BCAS3: variants seen among roughly 807,000 people sequenced by gnomAD.
BCAS3 encodes the protein BCAS4/BCAS3 fusion.
Under a neutral mutation model 116.1 loss-of-function variants are expected in BCAS3, and 53 were observed. That is an observed-to-expected ratio of 0.46 (90% confidence interval 0.37 to 0.57). The LOEUF is 0.57. Among genes scored for constraint, BCAS3 ranks in the 20% least tolerant of loss-of-function variants. The pLI, the probability that BCAS3 is intolerant of heterozygous loss-of-function variation, is 0.00. For missense variants in BCAS3, 917 were observed against 1,165.4 expected (o/e 0.79, Z 3.10); for synonymous variants, 391 against 408.2 (o/e 0.96, Z 0.51).
intron 5 of BCAS3, among the ~76,000 whole-genome samples, chr17:60,737,218 G>A (rs1275965812): frequency 6.6e-6 from 1 of 152,104 alleles, no homozygotes; most frequent in Non-Finnish European, 1.5e-5. Flanking sequence ...GGGATTACAG[G>A]TGTGAGCCAC....
At chr17:60,959,698 GT>G (rs992768010) in intron 14 of BCAS3, among the ~76,000 whole-genome samples, 1 of 152,090 alleles carries the variant, frequency 6.6e-6, no homozygotes, top group Non-Finnish European at 1.5e-5. Context: ...TTACTCAATG[GT>G]TTTTTTCCTG....
At chr17:61,123,898 T>C (rs902470917) in intron 22 of BCAS3, among the ~76,000 whole-genome samples, 1 of 152,204 alleles carries the variant, frequency 6.6e-6, no homozygotes, top group Admixed American at 6.5e-5. Flanking sequence ...GAGAGAAGAA[T>C]GACCACTAAT....
rs2072926444 is a variant in BCAS3, at chr17:61,084,600, C to T, written c.2425+36C>T. The T allele has an allele frequency of 6.6e-7, 1 of 1,509,246 alleles. No homozygotes were observed. The highest frequency in any genetic ancestry group is 1.1e-5 in the South Asian group (1 of 88,632). 93.5% of individuals were successfully genotyped at this position (1,509,246 alleles called of 1,614,324 possible). On this transcript the variant is annotated intron_variant, in intron 22 of 23. Transcript: ENST00000407086. This position sits in a 1 kb window ranked among gnomAD's most constrained non-coding sequence, Gnocchi z 5.5. Reference sequence around the variant, plus strand: ...ACCTCTGAAATATTTATTGGGCAGTCCTGTGCATTTTTAACTAATTTTCTC... The same window carrying T: ...ACCTCTGAAATATTTATTGGGCAGTTCTGTGCATTTTTAACTAATTTTCTC...
intron 7 of BCAS3, among the ~76,000 whole-genome samples, chr17:60,829,991 G>GTATT (rs1223742135): frequency 6.6e-6 from 1 of 151,750 alleles, no homozygotes; most frequent in Non-Finnish European, 1.5e-5. Flanking sequence ...TTAAAAATTT[G>GTATT]TATTTATTTA....
intron 5 of BCAS3, among the ~76,000 whole-genome samples, chr17:60,724,237 A>C (rs1264332139): frequency 6.6e-6 from 1 of 151,356 alleles, no homozygotes; most frequent in East Asian, 2.0e-4. Flanking sequence ...TAGCCTGGCC[A>C]ACATGGTGAA....
intron 23 of BCAS3, among the ~76,000 whole-genome samples, chr17:61,374,126 G>T (rs1479311682): frequency 6.7e-6 from 1 of 148,980 alleles, no homozygotes; most frequent in East Asian, 2.0e-4. Context: ...CCCATTTAAA[G>T]TATTCTTGAT....
At position 60,911,635 on chromosome 17, in the gene BCAS3, G is replaced by A. The variant is rs144998729; in HGVS notation, c.993+933G>A. Among the ~76,000 whole-genome samples, 691 of 151,928 alleles carry A rather than the reference G, an allele frequency of 4.5e-3. 8 individuals carry two copies. Among genetic ancestry groups the A allele is most frequent in the African/African-American group, 0.016 (651 of 41,446 alleles). On this transcript the variant is annotated intron_variant, in intron 12 of 23. Transcript: ENST00000407086. ...TTTTTGGTAGAGACGCGGTTTCGCC[G>A]TGTTGGCCTGGCTGGTCTTGAACCC...
Position 61,272,142 on chromosome 17 carries a change from G to T in BCAS3, c.2426-96185G>T, listed in dbSNP as rs1427858423. Among the ~76,000 whole-genome samples the T allele has an allele frequency of 2.0e-5, 3 of 152,152 alleles. No individual in the cohort carries two copies. In the East Asian group the frequency reaches 5.8e-4, roughly 29 times the overall value. ...ATTGAAGAGACTGTCATCAAATTAC[G>T]TTTTAAAGAAAAGACTGAAATATAT... On this transcript the variant is annotated intron_variant, in intron 22 of 23. Transcript: ENST00000407086.
chr17:61,268,922 T>C (rs1351806873), intron 22 of BCAS3, among the ~76,000 whole-genome samples: 1 of 152,122 alleles, frequency 6.6e-6, no homozygotes, highest in Non-Finnish European at 1.5e-5. Context: ...TCATCCATGT[T>C]GTAGCATATG....
At chr17:60,766,435 C>T (rs947110795) in intron 6 of BCAS3, among the ~76,000 whole-genome samples, 1 of 152,184 alleles carries the variant, frequency 6.6e-6, no homozygotes, top group African/African-American at 2.4e-5. Context: ...AGTTTTCCTT[C>T]TAACAGTCAG....
chr17:61,277,174 G>A (rs1466953358), intron 22 of BCAS3, among the ~76,000 whole-genome samples: 1 of 151,350 alleles, frequency 6.6e-6, no homozygotes, highest in Non-Finnish European at 1.5e-5. Context: ...TGAGGCAGGA[G>A]GATCGCTTTT....
At chr17:60,887,181 A>G (rs2056748369) in intron 9 of BCAS3, 1 of 152,030 alleles carries the variant, frequency 6.6e-6, no homozygotes, top group Non-Finnish European at 1.5e-5. Context: ...GAAAAGCGCA[A>G]TATTCGGGTG....
intron 22 of BCAS3, among the ~76,000 whole-genome samples, chr17:61,293,340 C>T (rs1381659068): frequency 6.6e-6 from 1 of 152,156 alleles, no homozygotes; most frequent in Non-Finnish European, 1.5e-5. Flanking sequence ...TGCCCCTCTA[C>T]TCCAAGAGAT....
At chr17:60,966,576 A>G (rs748230091) in intron 14 of BCAS3, among the ~76,000 whole-genome samples, 7 of 152,122 alleles carry the variant, frequency 4.6e-5, no homozygotes, top group Non-Finnish European at 1.0e-4. Context: ...ACTACAACTT[A>G]TCTTAGATCA....
intron 22 of BCAS3, among the ~76,000 whole-genome samples, chr17:61,246,713 C>G (rs1333284769): frequency 6.6e-6 from 1 of 151,304 alleles, no homozygotes; most frequent in Non-Finnish European, 1.5e-5. Flanking sequence ...GCAAGTCATG[C>G]TTTTGTTTTA....
intron 4 of BCAS3, among the ~76,000 whole-genome samples, chr17:60,701,177 G>T (rs1449152167): frequency 1.3e-5 from 2 of 151,900 alleles, no homozygotes; most frequent in Non-Finnish European, 2.9e-5. Context: ...TGGGGAGGCG[G>T]AGGTTGCAGT....
chr17:61,184,377 G>T (rs1489746535), intron 22 of BCAS3, among the ~76,000 whole-genome samples: 3 of 151,984 alleles, frequency 2.0e-5, no homozygotes, highest in Non-Finnish European at 4.4e-5. Context: ...ATGAAGAGTT[G>T]CTCTGTCATT....
At chr17:60,897,697 T>C (rs1425178020) in intron 10 of BCAS3, among the ~76,000 whole-genome samples, 1 of 151,940 alleles carries the variant, frequency 6.6e-6, no homozygotes, top group Non-Finnish European at 1.5e-5. Context: ...GTAGTCAGTT[T>C]TATTTTACTT....
intron 9 of BCAS3, chr17:60,886,491 A>T (rs959904756): frequency 6.6e-6 from 1 of 152,162 alleles, no homozygotes; most frequent in Admixed American, 6.5e-5. Context: ...CTGGTGAGGA[A>T]CTGCGTTCCT....
Sources: allele counts gnomAD v4.1 joint callset (sites outside exome capture counted in the v4.1 genomes callset), GRCh38; gene constraint gnomAD v4.1.1; non-coding constraint Gnocchi (gnomAD v3.1); transcripts MANE v1.5; gene names NCBI Gene and HGNC (gene_info 2026-07-23, HGNC 2026-07-21).